Variants in WDR17 observed in about 807,000 individuals in gnomAD.
The protein encoded by WDR17 is WD repeat-containing protein 17.
A neutral mutation model predicts 161.7 loss-of-function variants in WDR17; 143 were observed. The ratio of observed to expected loss-of-function variants is 0.88; its 90% CI spans 0.77 to 1.02. The LOEUF is 1.02. WDR17 is among the 50% of genes least tolerant of loss of function. The probability of loss-of-function intolerance (pLI) is 0.00; values close to 1 mark genes in which losing one functional copy is unlikely to be tolerated. For missense variants in WDR17, 1,469 were observed against 1,520.9 expected, an observed-to-expected ratio of 0.97 and a Z score of 0.57; for synonymous variants, 517 against 515.6, an observed-to-expected ratio of 1.00 and a Z score of -0.04.
At chr4:176,148,830 G>A (rs1300696697) in intron 13 of WDR17, among the ~76,000 whole-genome samples, 1 of 152,028 alleles carries the variant, frequency 6.6e-6, no homozygotes, top group Non-Finnish European at 1.5e-5. Context: ...ATTGGTTATG[G>A]AAAATCAGAT....
chr4:176,146,298 A>C (rs1294526189), intron 12 of WDR17, 139 bp downstream of exon 12: 1 of 860,604 alleles, frequency 1.2e-6, no homozygotes, highest in East Asian at 3.1e-5. Flanking sequence ...CAGTGGCGTG[A>C]TCGTGGTTTA....
At chr4:176,164,511 G>T (rs898151841) in intron 22 of WDR17, among the ~76,000 whole-genome samples, 1 of 152,100 alleles carries the variant, frequency 6.6e-6, no homozygotes, top group Non-Finnish European at 1.5e-5. Context: ...AATACATTTT[G>T]TATTTAGACT....
intron 19 of WDR17, among the ~76,000 whole-genome samples, chr4:176,160,546 T>C (rs933827814): frequency 1.3e-5 from 2 of 152,170 alleles, no homozygotes; most frequent in Non-Finnish European, 2.9e-5. Flanking sequence ...GGTCTCAAAC[T>C]CCTGACCTCA....
At chr4:176,145,924 A>G (rs1746082156) in intron 11 of WDR17, 71 bp from the exon 12 acceptor site, 9 of 1,342,056 alleles carry the variant, frequency 6.7e-6, no homozygotes, top group Admixed American at 2.2e-5. Flanking sequence ...AATTAGAACT[A>G]TGGTATACCT....
chr4:176,162,021 C>T (rs1300076775), intron 20 of WDR17, 54 bp from the exon 21 acceptor site: 4 of 1,435,266 alleles, frequency 2.8e-6, no homozygotes, highest in Non-Finnish European at 3.8e-6. Flanking sequence ...TATTAGTTTG[C>T]TTTTATAATG....
At position 176,151,882 on chromosome 4, in the gene WDR17, A is replaced by G. The variant is rs763320051; in HGVS notation, c.2375A>G (p.Glu792Gly). Reference protein sequence around the residue: ...FGGGIGVPAKEERLKEAAEIH... With the variant: ...FGGGIGVPAKGERLKEAAEIH... ...GGTGGTATTGGTGTACCTGCTAAAG[A>G]GGAAAGACTGAAGGAAGCTGCTGAA... Residue 792 changes from glutamate to glycine, a missense_variant, in exon 17 of 29, where the codon GAG (glutamate) becomes GGG (glycine). Coordinates refer to ENST00000508596, the MANE Select transcript of WDR17 (RefSeq NM_181265.4). The G allele has an allele frequency of 1.2e-6, 2 of 1,613,494 alleles. No homozygotes were observed. The highest frequency in any genetic ancestry group is 2.2e-5 in the South Asian group (2 of 90,920).
intron 1 of WDR17, among the ~76,000 whole-genome samples, chr4:176,109,082 G>C (rs1405213082): frequency 6.6e-6 from 1 of 152,122 alleles, no homozygotes; most frequent in East Asian, 1.9e-4. Context: ...AAGCCCCTGT[G>C]CTTGGCCAAA....
At chr4:176,124,255 C>T (rs146778422) in intron 4 of WDR17, among the ~76,000 whole-genome samples, 338 of 152,320 alleles carry the variant, frequency 2.2e-3, no homozygotes, top group African/African-American at 7.4e-3. Flanking sequence ...AATGAGAGGA[C>T]TTGCCCAGTG....
chr4:176,081,311 A>T (rs1186161909), intron 1 of WDR17, among the ~76,000 whole-genome samples: 1 of 152,070 alleles, frequency 6.6e-6, no homozygotes, highest in Non-Finnish European at 1.5e-5. Flanking sequence ...ACTTTCCATC[A>T]TTCTGTCTCG....
intron 11 of WDR17, among the ~76,000 whole-genome samples, chr4:176,143,082 C>T (rs1216381151): frequency 1.3e-5 from 2 of 152,126 alleles, no homozygotes; most frequent in East Asian, 3.9e-4. Context: ...TTTCTCCATG[C>T]TGGTCAGGCT....
At chr4:176,134,531 G>T (rs1744089162) in intron 7 of WDR17, among the ~76,000 whole-genome samples, 1 of 151,666 alleles carries the variant, frequency 6.6e-6, no homozygotes, top group South Asian at 2.1e-4. Flanking sequence ...ATGGGAACAA[G>T]TATTCAGGTT....
Position 176,125,165 on chromosome 4 carries a change from T to G in WDR17, c.600T>G (p.Asp200Glu). ...PESLEGTDEE[D>E]PVTALEWDPL... is the part of the protein sequence containing the mutation. The stretch of plus-strand genomic sequence containing the variant: ...CTCTTGAAGGGACAGATGAAGAGGA[T>G]CCAGTTACGGCCTTGGAATGGGACC... The change falls in exon 5 of 29, where the codon GAT becomes GAG. Residue 200 changes from aspartate (D) to glutamate (E), a missense_variant. By Grantham distance (45) the Asp-to-Glu change is conservative (BLOSUM62 2). Transcript: ENST00000508596. 1.2e-6 allele frequency: 2 copies of G among 1,614,156 alleles called. No homozygotes were observed. Among genetic ancestry groups the G allele is most frequent in the South Asian group, 2.2e-5 (2 of 91,074 alleles).
chr4:176,116,512 C>T (rs1740666382), intron 3 of WDR17, among the ~76,000 whole-genome samples: 2 of 151,836 alleles, frequency 1.3e-5, no homozygotes, highest in Admixed American at 1.3e-4. Flanking sequence ...CGCATTTAAT[C>T]TTATCCCATC....
chr4:176,150,457 C>A lies in WDR17; in HGVS notation c.2179-11C>A. ...TCACTATTCCATATTTATTTTTTGT[C>A]AACTCTTTAGCCTCCAGGTGGCAGT... is the stretch of plus-strand genomic sequence containing the variant. On this transcript the variant is annotated splice_polypyrimidine_tract_variant and intron_variant, in intron 15 of 28. Transcript: ENST00000508596. 6.3e-7 allele frequency: 1 copy of A among 1,586,018 alleles called. No homozygotes were observed. The highest frequency in any genetic ancestry group is 1.2e-5 in the South Asian group (1 of 84,678).
chr4:176,115,916 A>T lies in WDR17; in HGVS notation c.244A>T (p.Asn82Tyr). 1 of 1,611,068 alleles carries T rather than the reference A, an allele frequency of 6.2e-7. No individual in the cohort carries two copies. The highest frequency in any genetic ancestry group is 8.5e-7 in the Non-Finnish European group (1 of 1,178,370). Residue 82 changes from asparagine to tyrosine, a missense_variant, in exon 3 of 29, where the codon AAT (asparagine) becomes TAT (tyrosine). Physicochemically the swap from Asn to Tyr is moderately radical, Grantham distance 143. Transcript: ENST00000508596. ...TCTGTTTGCAAGTGGCAGTACTGAT[A>T]ATTTAGTGATCATTTGGAATGTTGC... ...PDLFASGSTD[N>Y]LVIIWNVAEQ...
chr4:176,147,248 G>A (rs980257711), intron 12 of WDR17, among the ~76,000 whole-genome samples: 1 of 152,112 alleles, frequency 6.6e-6, no homozygotes, highest in Non-Finnish European at 1.5e-5. Flanking sequence ...GTGCAAAATA[G>A]TAATACTTTT....
intron 1 of WDR17, among the ~76,000 whole-genome samples, chr4:176,103,745 A>C (rs1738210308): frequency 1.3e-5 from 2 of 152,102 alleles, no homozygotes; most frequent in Admixed American, 6.6e-5. Context: ...ATTGAAGAGA[A>C]GTAAGCAAAA....
In WDR17 at chr4:176,120,156, T is replaced by C. The variant is rs1579101274; in HGVS notation, c.538+59T>C. On this transcript the variant is annotated intron_variant, in intron 4 of 28. Transcript: ENST00000508596. Reference sequence around the variant, plus strand: ...TATATTTTTCTTATATATAATTTTGTACTTGCTTGGTCTTTCTAGTGACCA... The same window carrying C: ...TATATTTTTCTTATATATAATTTTGCACTTGCTTGGTCTTTCTAGTGACCA... 5 of 1,371,402 alleles carry C rather than the reference T, an allele frequency of 3.6e-6. No individual in the cohort carries two copies. In the East Asian group the frequency reaches 1.3e-4, roughly 35 times the overall value. 85.0% of individuals were successfully genotyped at this position (1,371,402 alleles called of 1,614,324 possible). A position where few individuals can be genotyped will look rare whatever the true frequency, so the allele number is the denominator to read the frequency against.
In WDR17 at chr4:176,150,046, A is replaced by G; in HGVS notation, c.2051A>G (p.Tyr684Cys). ...CTGAATTATGTCTGTTCTTCAGATT[A>G]TGCTATAGAACCAGGCACTCCTCCT... ...SWEEIIGNTD[Y>C]AIEPGTPPLL... Residue 684 changes from tyrosine (Y) to cysteine (C), a missense_variant, in exon 15 of 29, where the codon TAT becomes TGT. Coordinates refer to ENST00000508596, the MANE Select transcript of WDR17 (RefSeq NM_181265.4). The G allele has an allele frequency of 6.2e-7, 1 of 1,613,652 alleles. No homozygotes were observed. Among genetic ancestry groups the G allele is most frequent in the Non-Finnish European group, 8.5e-7 (1 of 1,179,878 alleles).
Sources: gnomAD v4.1 joint callset for allele counts (sites outside exome capture counted in the v4.1 genomes callset) on GRCh38, gnomAD v4.1.1 for gene constraint, MANE v1.5 for transcripts, NCBI Gene and HGNC (gene_info 2026-07-23, HGNC 2026-07-21) for gene names.